The following RASGEF1B variants were observed in gnomAD, a reference collection of about 807,000 sequenced individuals.
RASGEF1B encodes the protein RasGEF domain family member 1B.
Under a neutral mutation model 65.7 loss-of-function variants are expected in RASGEF1B, and 30 were observed. The ratio of observed to expected loss-of-function variants is 0.46; its 90% CI spans 0.34 to 0.62. RASGEF1B has a LOEUF of 0.62. Ranked by LOEUF, RASGEF1B falls within the 20% of genes least tolerant of loss-of-function variation. RASGEF1B has a pLI of 0.01. For missense variants in RASGEF1B, 495 were observed against 580.1 expected (o/e 0.85, Z 1.51); for synonymous variants, 175 against 194.8 (o/e 0.90, Z 0.85).
chr4:81,471,459 G>A (rs1313433123), intron 1 of RASGEF1B, among the ~76,000 whole-genome samples: 4 of 152,212 alleles, frequency 2.6e-5, no homozygotes, highest in African/African-American at 9.6e-5. Flanking sequence ...GCCCTGCCCG[G>A]GTCCCAGCGG....
chr4:81,463,336 C>T (rs191714914), intron 1 of RASGEF1B, among the ~76,000 whole-genome samples: 5 of 152,036 alleles, frequency 3.3e-5, no homozygotes, highest in Admixed American at 3.3e-4. Flanking sequence ...TTATAATATC[C>T]TCAAAACTGG....
At chr4:81,442,478 G>A (rs768347188) in intron 8 of RASGEF1B, 102 bp from the exon 9 acceptor site, 3 of 716,248 alleles carry the variant, frequency 4.2e-6, no homozygotes, top group African/African-American at 1.8e-5. Context: ...TACTAAGTGA[G>A]AATTCTAAAA....
chr4:81,464,740 C>T (rs187473348), intron 1 of RASGEF1B, among the ~76,000 whole-genome samples: 225 of 152,284 alleles, frequency 1.5e-3, no homozygotes, highest in African/African-American at 5.2e-3. Flanking sequence ...AACATGGTGG[C>T]TCTGACAGTA....
At chr4:81,428,799 C>T (rs1721316404) in intron 13 of RASGEF1B, among the ~76,000 whole-genome samples, 1 of 152,224 alleles carries the variant, frequency 6.6e-6, no homozygotes, top group African/African-American at 2.4e-5. Context: ...ATACCAGGGA[C>T]TAGAGCATCC....
chr4:81,454,547 C>T (rs554236394), intron 4 of RASGEF1B: 1 of 152,274 alleles, frequency 6.6e-6, no homozygotes, highest in Admixed American at 6.5e-5. Context: ...CAGCACTGAC[C>T]CTGCCAAGGA....
chr4:81,451,166 A>G (rs1251429889), intron 4 of RASGEF1B: 2 of 152,244 alleles, frequency 1.3e-5, no homozygotes, highest in African/African-American at 4.8e-5. Flanking sequence ...TTACAAGAGC[A>G]ACCCACAACT....
chr4:81,466,980 G>T (rs528279817), intron 1 of RASGEF1B, among the ~76,000 whole-genome samples: 120 of 147,778 alleles, frequency 8.1e-4, no homozygotes, highest in Non-Finnish European at 1.2e-3. Flanking sequence ...TGTATTGAGA[G>T]GGCAAACAAC....
At position 81,457,631 on chromosome 4, in the gene RASGEF1B, C is replaced by T. The variant is rs560613582; in HGVS notation, c.178-10G>A. 4.3e-6 allele frequency: 7 copies of T among 1,610,644 alleles called. No homozygotes were observed. Among genetic ancestry groups the T allele is most frequent in the African/African-American group, 2.7e-5 (2 of 74,618 alleles). Reference sequence around the variant, plus strand: ...TAAATATGTATGTTCTCTGCAGCAACAGAAAAAAGTCATCATCGTTACATT... The same window carrying T: ...TAAATATGTATGTTCTCTGCAGCAATAGAAAAAAGTCATCATCGTTACATT... On this transcript the variant is annotated splice_polypyrimidine_tract_variant and intron_variant, in intron 2 of 13. Coordinates refer to ENST00000264400, the MANE Select transcript of RASGEF1B (RefSeq NM_152545.3).
chr4:81,458,471 T>G lies in RASGEF1B; in HGVS notation c.178-850A>C, dbSNP rs141977854. On this transcript the variant is annotated intron_variant, in intron 2 of 13. Transcript: ENST00000264400. Reference sequence around the variant, plus strand: ...AGAGAGATAACTCAGTAAGAAACACTATGGTGAATTACTGCGGCAAGCACC... The same window carrying G: ...AGAGAGATAACTCAGTAAGAAACACGATGGTGAATTACTGCGGCAAGCACC... Among the ~76,000 whole-genome samples, 433 of 152,292 alleles carry G rather than the reference T, an allele frequency of 2.8e-3. 2 individuals carry two copies. Among genetic ancestry groups the G allele is most frequent in the African/African-American group, 1.0e-2 (415 of 41,552 alleles).
chr4:81,460,043 T>C (rs1722586041), intron 1 of RASGEF1B, among the ~76,000 whole-genome samples: 1 of 152,220 alleles, frequency 6.6e-6, no homozygotes, highest in Non-Finnish European at 1.5e-5. Context: ...TGTTTATATA[T>C]GTATATGTGT....
intron 4 of RASGEF1B, chr4:81,455,661 G>C (rs1219668861): frequency 6.6e-6 from 1 of 152,210 alleles, no homozygotes; most frequent in Non-Finnish European, 1.5e-5. Flanking sequence ...TCCTTGCCCA[G>C]CAAGTCTCAA....
intron 10 of RASGEF1B, among the ~76,000 whole-genome samples, chr4:81,438,544 T>C (rs1458132039): frequency 1.3e-5 from 2 of 152,270 alleles, no homozygotes; most frequent in Non-Finnish European, 2.9e-5. Context: ...ATGGCATTTT[T>C]TTAAATGGCT....
At chr4:81,443,608 A>G (rs943146003) in intron 8 of RASGEF1B, among the ~76,000 whole-genome samples, 1 of 152,232 alleles carries the variant, frequency 6.6e-6, no homozygotes, top group African/African-American at 2.4e-5. Context: ...ATATGTATCA[A>G]TTGTTCATTT....
rs1161695103 is a variant in RASGEF1B at position 81,426,977 on chromosome 4, A to G, written c.*791T>C. 3.8e-5 allele frequency: 5 copies of G among 132,580 alleles called. No individual in the cohort carries two copies. In the East Asian group the frequency reaches 1.1e-3, roughly 28 times the overall value. 8.2% of individuals were successfully genotyped at this position (132,580 alleles called of 1,614,324 possible). On this transcript the variant is annotated 3_prime_UTR_variant, in exon 14 of 14. Transcript: ENST00000264400. Reference sequence around the variant, plus strand: ...AGTGGTCAGTTGTAAACAGCTCAGAAGAGCAAAAAAAAAAAAAAAAAAAAA... The same window carrying G: ...AGTGGTCAGTTGTAAACAGCTCAGAGGAGCAAAAAAAAAAAAAAAAAAAAA...
chr4:81,460,388 C>G (rs552919705), intron 1 of RASGEF1B, among the ~76,000 whole-genome samples: 4 of 152,136 alleles, frequency 2.6e-5, no homozygotes, highest in Non-Finnish European at 5.9e-5. Context: ...TCTGGCACCA[C>G]GTCTGCACAA....
chr4:81,466,775 A>AAAG (rs1454807059), intron 1 of RASGEF1B, among the ~76,000 whole-genome samples: 6 of 80,428 alleles, frequency 7.5e-5, no homozygotes, highest in Non-Finnish European at 1.5e-4. Context: ...AAAAAAAAAG[A>AAAG]AAGAAAGAAA....
intron 13 of RASGEF1B, among the ~76,000 whole-genome samples, chr4:81,428,462 G>C (rs1721302933): frequency 6.6e-6 from 1 of 152,142 alleles, no homozygotes; most frequent in African/African-American, 2.4e-5. Context: ...AATATATACA[G>C]ACTCTTTTTC....
Position 81,433,874 on chromosome 4 carries a change from C to G in RASGEF1B, c.1290G>C (p.Gln430His), listed in dbSNP as rs766871739. The change falls in exon 12 of 14, where the codon CAG (glutamine) becomes CAC (histidine). Residue 430 changes from glutamine (Q) to histidine (H), a missense_variant. Physicochemically the swap from Gln to His is conservative, Grantham distance 24. Coordinates refer to ENST00000264400, the MANE Select transcript of RASGEF1B (RefSeq NM_152545.3). The part of the protein sequence containing the change: ...CPFERDRKIL[Q>H]YLLTVPVFSE... ...TGAAGACTGGTACTGTGAGCAGATA[C>G]TGCAAGATCTTCCGGTCCCTCTCAA... The G allele has an allele frequency of 4.3e-6, 7 of 1,613,932 alleles. No homozygotes were observed. Among genetic ancestry groups the G allele is most frequent in the Non-Finnish European group, 5.9e-6 (7 of 1,179,954 alleles).
At chr4:81,429,674 A>C (rs1351790447) in intron 13 of RASGEF1B, among the ~76,000 whole-genome samples, 1 of 152,218 alleles carries the variant, frequency 6.6e-6, no homozygotes. Context: ...AAGAAGACGC[A>C]AGTGGCGAGT....
Sources: allele counts gnomAD v4.1 joint callset (sites outside exome capture counted in the v4.1 genomes callset), GRCh38; gene constraint gnomAD v4.1.1; transcripts MANE v1.5; gene names NCBI Gene and HGNC (gene_info 2026-07-23, HGNC 2026-07-21).